Variants in FAM184A observed in about 807,000 individuals in gnomAD.
FAM184A encodes the protein protein FAM184A.
FAM184A carries 99 observed loss-of-function variants against 143.8 expected under a neutral mutation model. The ratio of observed to expected loss-of-function variants is 0.69; its 90% CI spans 0.58 to 0.81. FAM184A has a LOEUF of 0.81. Ranked by LOEUF, FAM184A falls within the 40% of genes least tolerant of loss-of-function variation. FAM184A has a pLI of 0.00. For missense variants in FAM184A, 1,217 were observed against 1,310.5 expected (o/e 0.93, Z 1.10); for synonymous variants, 427 against 446.4 (o/e 0.96, Z 0.55).
At chr6:119,144,078 A>G (rs1772335165) in intron 1 of FAM184A, among the ~76,000 whole-genome samples, 2 of 152,068 alleles carry the variant, frequency 1.3e-5, no homozygotes, top group East Asian at 3.9e-4. Context: ...CTGTAATCCC[A>G]GCACTTTGGG....
chr6:118,975,454 C>T (rs1426919250), intron 12 of FAM184A, among the ~76,000 whole-genome samples: 1 of 152,214 alleles, frequency 6.6e-6, no homozygotes, highest in Non-Finnish European at 1.5e-5. Context: ...GGACATCTCT[C>T]TCATTTTACA....
At chr6:118,995,614 C>T (rs944295339) in intron 9 of FAM184A, among the ~76,000 whole-genome samples, 10 of 151,932 alleles carry the variant, frequency 6.6e-5, no homozygotes, top group African/African-American at 2.4e-4. Context: ...AACTGTTGTT[C>T]GATATTTAAC....
chr6:119,130,368 A>T (rs1262778568), intron 1 of FAM184A, among the ~76,000 whole-genome samples: 1 of 152,236 alleles, frequency 6.6e-6, no homozygotes, highest in East Asian at 1.9e-4. Context: ...ATAGAAATAA[A>T]TGCCCTAGAT....
At chr6:118,995,766 G>A (rs757157347) in intron 9 of FAM184A, among the ~76,000 whole-genome samples, 2 of 152,166 alleles carry the variant, frequency 1.3e-5, no homozygotes, top group Non-Finnish European at 2.9e-5. Flanking sequence ...AACCCTTTCA[G>A]ATTGAAAATA....
rs79644700 is a variant in FAM184A at position 118,990,197 on chromosome 6, T to C, written c.2089-9847A>G. On this transcript the variant is annotated intron_variant, in intron 9 of 17. Coordinates refer to ENST00000338891, the MANE Select transcript of FAM184A (RefSeq NM_024581.6). ...AACTAAAATTTATACCATTTACTTA[T>C]GAAGTAGATTTTATTTTCACTCTTT... is the stretch of plus-strand genomic sequence containing the variant. Among the ~76,000 whole-genome samples the C allele has an allele frequency of 1.0e-3, 157 of 152,352 alleles. 2 individuals carry two copies. In the East Asian group the frequency reaches 0.029, roughly 28 times the overall value.
intron 14 of FAM184A, among the ~76,000 whole-genome samples, chr6:118,972,477 G>C (rs1783725141): frequency 6.6e-6 from 1 of 152,150 alleles, no homozygotes; most frequent in Non-Finnish European, 1.5e-5. Flanking sequence ...CCTGGTGGCA[G>C]TAAGTTTCTG....
At chr6:118,999,158 C>G (rs140759983) in intron 9 of FAM184A, among the ~76,000 whole-genome samples, 5 of 152,086 alleles carry the variant, frequency 3.3e-5, no homozygotes, top group Non-Finnish European at 7.4e-5. Flanking sequence ...AAACAGTGAA[C>G]GGACGCTAGT....
At chr6:119,056,969 T>A (rs1787000538) in intron 1 of FAM184A, among the ~76,000 whole-genome samples, 1 of 152,240 alleles carries the variant, frequency 6.6e-6, no homozygotes, top group Non-Finnish European at 1.5e-5. Context: ...TATTCCACAG[T>A]ATGTTTAAGA....
intron 9 of FAM184A, among the ~76,000 whole-genome samples, chr6:118,995,825 T>G (rs182316556): frequency 6.6e-6 from 1 of 152,214 alleles, no homozygotes; most frequent in Non-Finnish European, 1.5e-5. Flanking sequence ...ACAGATTAAG[T>G]TGATTTGTTA....
In FAM184A at chr6:119,024,069, T is replaced by G; in HGVS notation, c.904A>C (p.Ile302Leu). 1 of 1,614,198 alleles carries G rather than the reference T, an allele frequency of 6.2e-7. No individual in the cohort carries two copies. Among genetic ancestry groups the G allele is most frequent in the Non-Finnish European group, 8.5e-7 (1 of 1,180,036 alleles). ...TGTAACTCTGTCTTTAATTTTCCTA[T>G]AGTTTTTCGTAAAATTGCTTCTTGT... ...QGQEAILRKTIGKLKTELQMV... is the reference protein window; with the variant it reads ...QGQEAILRKTLGKLKTELQMV... Residue 302 changes from isoleucine (I) to leucine (L), a missense_variant, in exon 2 of 18, where the codon ATA (isoleucine) becomes CTA (leucine). Ile to Leu is a conservative substitution (Grantham distance 5). Transcript: ENST00000338891.
intron 1 of FAM184A, among the ~76,000 whole-genome samples, chr6:119,099,341 C>T (rs148282262): frequency 1.9e-4 from 29 of 152,222 alleles, no homozygotes; most frequent in Non-Finnish European, 3.7e-4. Context: ...TTGTTTTAAG[C>T]TACTATTACT....
intron 9 of FAM184A, among the ~76,000 whole-genome samples, chr6:119,000,838 T>C (rs890192380): frequency 1.3e-5 from 2 of 151,962 alleles, no homozygotes; most frequent in African/African-American, 4.8e-5. Flanking sequence ...GTTTCCCTTA[T>C]GTGCTGAATG....
At chr6:118,970,305 G>A (rs917458505) in intron 14 of FAM184A, among the ~76,000 whole-genome samples, 76 of 151,414 alleles carry the variant, frequency 5.0e-4, no homozygotes, top group African/African-American at 1.7e-3. Context: ...GTGCCCAGCC[G>A]GGTCTGTATA....
rs1394523605 is a variant in FAM184A at position 118,966,834 on chromosome 6, C to T, written c.3033+1G>A. On this transcript the variant is annotated splice_donor_variant, in intron 15 of 17. Transcript: ENST00000338891. LOFTEE classifies it high-confidence loss of function. ...GTTAGACTAAAACCAAAATATCTTACAATTAGTTTCTTTATGATCTGGTCT... is the reference window on the plus strand; with the variant it reads ...GTTAGACTAAAACCAAAATATCTTATAATTAGTTTCTTTATGATCTGGTCT... 1 of 1,497,534 alleles carries T rather than the reference C, an allele frequency of 6.7e-7. No homozygotes were observed. The highest frequency in any genetic ancestry group is 1.2e-5 in the South Asian group (1 of 84,256). 92.8% of individuals were successfully genotyped at this position (1,497,534 alleles called of 1,614,324 possible).
intron 9 of FAM184A, among the ~76,000 whole-genome samples, chr6:118,988,801 C>T (rs890699933): frequency 6.6e-6 from 1 of 151,584 alleles, no homozygotes; most frequent in Non-Finnish European, 1.5e-5. Context: ...AACCTACATA[C>T]CCCTCCCTCC....
chr6:118,970,008 A>ATATATATATATATATATATATTTTTT, intron 14 of FAM184A, among the ~76,000 whole-genome samples: 3 of 19,040 alleles, frequency 1.6e-4, no homozygotes, highest in Non-Finnish European at 2.3e-4. Context: ...ATATATATAT[A>ATATATATATATATATATATATTTTTT]TTTTTTTTTT....
chr6:119,137,969 A>G (rs943068839), intron 1 of FAM184A, among the ~76,000 whole-genome samples: 2 of 152,256 alleles, frequency 1.3e-5, no homozygotes, highest in Non-Finnish European at 2.9e-5. Context: ...TGTGGAAGTC[A>G]GAACAGCTGT....
intron 1 of FAM184A, among the ~76,000 whole-genome samples, chr6:119,050,083 A>G (rs1432463295): frequency 1.3e-5 from 2 of 152,230 alleles, no homozygotes; most frequent in Non-Finnish European, 2.9e-5. Context: ...AGAAAGGTCA[A>G]TATCACTGAT....
intron 9 of FAM184A, among the ~76,000 whole-genome samples, chr6:118,989,458 CTTT>C (rs372798324): frequency 8.5e-6 from 1 of 116,996 alleles, no homozygotes; most frequent in African/African-American, 2.9e-5. Flanking sequence ...ATGCAATTTT[CTTT>C]TGTTTCCATT....
Sources: gnomAD v4.1 joint callset for allele counts (sites outside exome capture counted in the v4.1 genomes callset) on GRCh38, gnomAD v4.1.1 for gene constraint, MANE v1.5 for transcripts, NCBI Gene and HGNC (gene_info 2026-07-23, HGNC 2026-07-21) for gene names.